The following VEGFC variants were observed in gnomAD, a reference collection of about 807,000 sequenced individuals.
VEGFC encodes vascular endothelial growth factor C.
In VEGFC, 12 loss-of-function variants were observed where a neutral mutation model predicts 46.1. The ratio of observed to expected loss-of-function variants is 0.26; its 90% CI spans 0.17 to 0.42. The LOEUF (loss-of-function observed/expected upper bound fraction) is 0.42. VEGFC is among the 10% of genes least tolerant of loss of function. The probability of loss-of-function intolerance (pLI) is 1.00; values close to 1 mark genes in which losing one functional copy is unlikely to be tolerated. For synonymous variants in VEGFC, 232 were observed against 195.5 expected (o/e 1.19, Z -1.56); for missense variants, 488 against 529.4 (o/e 0.92, Z 0.77).
intron 4 of VEGFC, among the ~76,000 whole-genome samples, chr4:176,691,762 C>T (rs918141144): frequency 1.3e-5 from 2 of 152,082 alleles, no homozygotes; most frequent in Non-Finnish European, 2.9e-5. Context: ...ATATTCTAAA[C>T]GTTGGGTAAT....
intron 1 of VEGFC, among the ~76,000 whole-genome samples, chr4:176,782,081 AG>A (rs1489544610): frequency 1.2e-4 from 19 of 152,262 alleles, no homozygotes; most frequent in Admixed American, 1.2e-3. Context: ...ATCAAGTTCA[AG>A]ACTGTTTCTT....
intron 3 of VEGFC, among the ~76,000 whole-genome samples, chr4:176,718,498 C>A (rs1231708013): frequency 6.6e-6 from 1 of 152,076 alleles, no homozygotes; most frequent in African/African-American, 2.4e-5. Context: ...AATATACATG[C>A]TCATATTATT....
intron 4 of VEGFC, among the ~76,000 whole-genome samples, chr4:176,692,874 C>T (rs1265925863): frequency 1.4e-5 from 2 of 146,458 alleles, no homozygotes; most frequent in Non-Finnish European, 3.0e-5. Context: ...CACACTGACA[C>T]CTCACACAGC....
chr4:176,780,571 T>A (rs1056854283), intron 1 of VEGFC, among the ~76,000 whole-genome samples: 2 of 152,170 alleles, frequency 1.3e-5, no homozygotes, highest in Non-Finnish European at 2.9e-5. Context: ...ATTATATCTA[T>A]ACAGTTATAT....
chr4:176,704,746 T>C (rs1377812430), intron 4 of VEGFC, among the ~76,000 whole-genome samples: 1 of 152,158 alleles, frequency 6.6e-6, no homozygotes, highest in Non-Finnish European at 1.5e-5. Context: ...GCATATATAC[T>C]TTTAGTAGTT....
Position 176,687,310 on chromosome 4 carries a change from C to A in VEGFC, c.1022G>T (p.Cys341Phe). ...TCTGGGGCAGGTTCTTTTACATACA[C>A]ACTGGCATGTGTTTTCATCAAATTC... is the stretch of plus-strand genomic sequence containing the variant. ...NREFDENTCQ[C>F]VCKRTCPRNQ... Residue 341 changes from cysteine to phenylalanine, a missense_variant, in exon 6 of 7, where the codon TGT becomes TTT. By Grantham distance (205) the Cys-to-Phe change is radical. Transcript: ENST00000618562. The A allele has an allele frequency of 6.2e-7, 1 of 1,614,148 alleles. No homozygotes were observed. Among genetic ancestry groups the A allele is most frequent in the South Asian group, 1.1e-5 (1 of 91,076 alleles).
At chr4:176,716,796 T>C (rs147282521) in intron 3 of VEGFC, among the ~76,000 whole-genome samples, 1 of 152,152 alleles carries the variant, frequency 6.6e-6, no homozygotes, top group East Asian at 1.9e-4. Flanking sequence ...GAATTTCCTC[T>C]CAAAAGAGTT....
chr4:176,718,782 TATAAGGTAA>T (rs1734735622), intron 3 of VEGFC, among the ~76,000 whole-genome samples: 2 of 152,152 alleles, frequency 1.3e-5, no homozygotes, highest in Non-Finnish European at 2.9e-5. Flanking sequence ...TAGTAAAATA[TATAAGGTAA>T]ATACTAACAT....
chr4:176,769,319 T>C (rs1048748656), intron 1 of VEGFC, among the ~76,000 whole-genome samples: 1 of 152,084 alleles, frequency 6.6e-6, no homozygotes, highest in Non-Finnish European at 1.5e-5. Flanking sequence ...TGGCATGCGG[T>C]GACCTCCTGT....
chr4:176,737,728 T>G (rs1735080199), intron 1 of VEGFC, among the ~76,000 whole-genome samples: 1 of 151,762 alleles, frequency 6.6e-6, no homozygotes. Context: ...TAGCATATTT[T>G]ATTCCTTAGT....
intron 5 of VEGFC, 29 bp from the exon 6 acceptor site, chr4:176,687,549 A>G (rs775968386): frequency 6.6e-6 from 10 of 1,519,484 alleles, no homozygotes; most frequent in Admixed American, 2.3e-5. Context: ...AATCTTTACT[A>G]TACCTTACTT....
At chr4:176,729,170 C>G (rs1163544102) in intron 2 of VEGFC, among the ~76,000 whole-genome samples, 1 of 152,072 alleles carries the variant, frequency 6.6e-6, no homozygotes, top group Non-Finnish European at 1.5e-5. Flanking sequence ...ATTTCTCAAT[C>G]CAAATCAGAT....
At chr4:176,768,048 T>C (rs1735659966) in intron 1 of VEGFC, among the ~76,000 whole-genome samples, 1 of 152,162 alleles carries the variant, frequency 6.6e-6, no homozygotes, top group South Asian at 2.1e-4. Context: ...CTTGACCAAC[T>C]CGGAGCAATT....
chr4:176,786,700 T>C (rs192337986), intron 1 of VEGFC, among the ~76,000 whole-genome samples: 201 of 152,368 alleles, frequency 1.3e-3, no homozygotes, highest in Middle Eastern at 3.4e-3. Context: ...CACTGAACTG[T>C]AATTTCCTGC....
chr4:176,785,599 C>T (rs959570967), intron 1 of VEGFC, among the ~76,000 whole-genome samples: 1 of 151,242 alleles, frequency 6.6e-6, no homozygotes, highest in East Asian at 2.0e-4. Flanking sequence ...TTTTAAAAAG[C>T]AGGAATTTCC....
At chr4:176,765,129 G>T (rs1460776416) in intron 1 of VEGFC, among the ~76,000 whole-genome samples, 10 of 151,948 alleles carry the variant, frequency 6.6e-5, no homozygotes, top group African/African-American at 2.4e-4. Flanking sequence ...GCAAAGAATA[G>T]AATTTATTTT....
chr4:176,700,731 T>A (rs896681260), intron 4 of VEGFC, among the ~76,000 whole-genome samples: 1 of 152,148 alleles, frequency 6.6e-6, no homozygotes, highest in African/African-American at 2.4e-5. Flanking sequence ...AAATCCATGG[T>A]TATTGGATTT....
intron 6 of VEGFC, among the ~76,000 whole-genome samples, chr4:176,685,516 T>C (rs1426062464): frequency 6.6e-6 from 1 of 152,160 alleles, no homozygotes; most frequent in African/African-American, 2.4e-5. Flanking sequence ...GAATGTATAG[T>C]ATTAGGAGAA....
intron 1 of VEGFC, among the ~76,000 whole-genome samples, chr4:176,790,217 G>T (rs1334585829): frequency 2.0e-5 from 3 of 152,172 alleles, no homozygotes; most frequent in Non-Finnish European, 4.4e-5. Flanking sequence ...CTTTAATGGA[G>T]CAATGAAATA....
Sources: allele counts gnomAD v4.1 joint callset (sites outside exome capture counted in the v4.1 genomes callset), GRCh38; gene constraint gnomAD v4.1.1; transcripts MANE v1.5; gene names NCBI Gene and HGNC (gene_info 2026-07-23, HGNC 2026-07-21).